Variants in TSPAN14 observed in about 807,000 individuals in gnomAD.
The protein encoded by TSPAN14 is tetraspanin-14.
In TSPAN14, 16 loss-of-function variants were observed where a neutral mutation model predicts 36.6. The ratio of observed to expected loss-of-function variants is 0.44; its 90% confidence interval spans 0.30 to 0.66. The LOEUF (loss-of-function observed/expected upper bound fraction) is 0.66, where lower values mean the gene tolerates loss of function less well. Among genes scored for constraint, TSPAN14 ranks in the 30% least tolerant of loss-of-function variants. The probability of loss-of-function intolerance (pLI) is 0.12; values close to 1 mark genes in which losing one functional copy is unlikely to be tolerated. For missense variants in TSPAN14, 231 were observed against 355.1 expected (o/e 0.65, Z 2.81); for synonymous variants, 139 against 143.8 (o/e 0.97, Z 0.24).
intron 2 of TSPAN14, among the ~76,000 whole-genome samples, chr10:80,500,430 A>G (rs1848443725): frequency 7.3e-6 from 1 of 136,872 alleles, no homozygotes; most frequent in South Asian, 2.3e-4. Flanking sequence ...CCCAGGTTCA[A>G]GTGATTCTCT....
chr10:80,498,627 GAGA>G (rs1435405660), intron 2 of TSPAN14, among the ~76,000 whole-genome samples: 1 of 152,238 alleles, frequency 6.6e-6, no homozygotes, highest in Non-Finnish European at 1.5e-5. Context: ...CCAGTGTCAA[GAGA>G]AGGAGACTCT....
At chr10:80,501,874 G>A (rs1452914741) in intron 2 of TSPAN14, among the ~76,000 whole-genome samples, 2 of 151,900 alleles carry the variant, frequency 1.3e-5, no homozygotes, top group African/African-American at 4.9e-5. Flanking sequence ...TGCCTGCTCT[G>A]TGCCTACTGA....
chr10:80,506,863 T>A (rs1024675260), intron 3 of TSPAN14, among the ~76,000 whole-genome samples: 1 of 152,190 alleles, frequency 6.6e-6, no homozygotes, highest in African/African-American at 2.4e-5. Context: ...AGGTGCCAAA[T>A]TGGGGGACTA....
intron 1 of TSPAN14, among the ~76,000 whole-genome samples, chr10:80,484,618 C>T (rs116805661): frequency 5.8e-4 from 88 of 152,250 alleles, no homozygotes; most frequent in African/African-American, 1.7e-3. Context: ...TTGTGTACAA[C>T]GGGGGTCTTT....
chr10:80,478,595 A>G (rs546253070), intron 1 of TSPAN14, among the ~76,000 whole-genome samples: 1 of 152,202 alleles, frequency 6.6e-6, no homozygotes, highest in Non-Finnish European at 1.5e-5. Context: ...AGTTACACAG[A>G]GAAAGAAACA....
chr10:80,511,291 C>T (rs1840603853), intron 5 of TSPAN14, among the ~76,000 whole-genome samples: 1 of 152,194 alleles, frequency 6.6e-6, no homozygotes, highest in South Asian at 2.1e-4. Context: ...TGTTACCTTT[C>T]ACCTTCATCG....
chr10:80,493,508 A>G (rs941053664), intron 2 of TSPAN14, among the ~76,000 whole-genome samples: 3 of 152,248 alleles, frequency 2.0e-5, no homozygotes, highest in African/African-American at 7.2e-5. Context: ...AGAAACAACC[A>G]AAGTGTCCAT....
chr10:80,502,346 C>A (rs1273545516), intron 2 of TSPAN14, among the ~76,000 whole-genome samples: 1 of 152,136 alleles, frequency 6.6e-6, no homozygotes, highest in African/African-American at 2.4e-5. Context: ...GAAGTCACTG[C>A]AGAGTTTCGA....
intron 1 of TSPAN14, among the ~76,000 whole-genome samples, chr10:80,480,972 G>A (rs968726015): frequency 6.6e-6 from 1 of 152,132 alleles, no homozygotes; most frequent in African/African-American, 2.4e-5. Flanking sequence ...TGGGCGTGGT[G>A]GTGCATGCCT....
chr10:80,487,565 C>CCACA (rs1213191587), intron 1 of TSPAN14, among the ~76,000 whole-genome samples: 1 of 152,126 alleles, frequency 6.6e-6, no homozygotes, highest in Non-Finnish European at 1.5e-5. Flanking sequence ...AAGGAAGGCG[C>CCACA]CTGTGTCTCT....
chr10:80,516,772 TCTC>T (rs1028378576), intron 8 of TSPAN14, among the ~76,000 whole-genome samples: 4 of 152,182 alleles, frequency 2.6e-5, no homozygotes, highest in African/African-American at 9.7e-5. Flanking sequence ...CCCCAGGACC[TCTC>T]CTCCTGTCTC....
intron 1 of TSPAN14, among the ~76,000 whole-genome samples, chr10:80,455,501 C>G (rs1462447494): frequency 6.6e-6 from 1 of 152,126 alleles, no homozygotes; most frequent in Non-Finnish European, 1.5e-5. Context: ...GAGAGAGTGG[C>G]CTGCCAAATC....
chr10:80,495,646 G>A (rs1441049079), intron 2 of TSPAN14, among the ~76,000 whole-genome samples: 1 of 152,178 alleles, frequency 6.6e-6, no homozygotes, highest in Non-Finnish European at 1.5e-5. Context: ...TAAGTAGTTT[G>A]GTGTGCTTGT....
chr10:80,485,671 T>C, intron 1 of TSPAN14: 1 of 985,434 alleles, frequency 1.0e-6, no homozygotes, highest in Non-Finnish European at 1.2e-6. Flanking sequence ...TCCAACCCGC[T>C]GGCCAACACA....
At chr10:80,494,111 TC>T (rs1332333567) in intron 2 of TSPAN14, among the ~76,000 whole-genome samples, 2 of 152,212 alleles carry the variant, frequency 1.3e-5, no homozygotes, top group African/African-American at 4.8e-5. Context: ...CACAGGAAAG[TC>T]CTTTGCTTGC....
chr10:80,519,925 T>C (rs1841166552), exon 9 of TSPAN14: 1 of 151,756 alleles, frequency 6.6e-6, no homozygotes, highest in African/African-American at 2.4e-5. Flanking sequence ...AAACTTCAAC[T>C]CCATAGGTCT....
intron 2 of TSPAN14, among the ~76,000 whole-genome samples, chr10:80,502,823 A>C (rs1246378611): frequency 6.6e-6 from 1 of 152,092 alleles, no homozygotes; most frequent in Non-Finnish European, 1.5e-5. Flanking sequence ...ATGGTATTTA[A>C]GCCTTGTGAA....
chr10:80,494,968 A>C (rs550995553), intron 2 of TSPAN14, among the ~76,000 whole-genome samples: 221 of 152,328 alleles, frequency 1.5e-3, no homozygotes, highest in African/African-American at 5.0e-3. Flanking sequence ...TCCTGTGAGT[A>C]GTATCCTTGC....
chr10:80,509,839 C>T lies in TSPAN14; in HGVS notation c.450+368C>T, dbSNP rs943401013. 4.6e-5 allele frequency: 9 copies of T among 194,954 alleles called. No individual in the cohort carries two copies. The highest frequency in any genetic ancestry group is 3.0e-4 in the South Asian group (3 of 10,022). 12.1% of individuals were successfully genotyped at this position (194,954 alleles called of 1,614,324 possible). ...ACCGTAAGGCACAGCTTCTTCCCCC[C>T]GGCTCATGACTCACCATCTGACGCT... is the stretch of plus-strand genomic sequence containing the variant. On this transcript the variant is annotated intron_variant, in intron 5 of 8. Coordinates refer to ENST00000429989, the Ensembl canonical transcript of TSPAN14. This position sits in a 1 kb window ranked among gnomAD's most constrained non-coding sequence, Gnocchi z 4.7.
Sources: allele counts gnomAD v4.1 joint callset (sites outside exome capture counted in the v4.1 genomes callset), GRCh38; gene constraint gnomAD v4.1.1; non-coding constraint Gnocchi (gnomAD v3.1); transcripts MANE v1.5; gene names NCBI Gene and HGNC (gene_info 2026-07-23, HGNC 2026-07-21).